RPTOR: variants seen among roughly 807,000 people sequenced by gnomAD.
RPTOR encodes regulatory-associated protein of mTOR.
RPTOR carries 21 observed loss-of-function variants against 169.9 expected under a neutral mutation model. That is an observed-to-expected ratio of 0.12 (90% CI 0.09 to 0.18). The LOEUF is 0.18. RPTOR is among the 10% of genes least tolerant of loss of function. RPTOR has a pLI of 1.00. For missense variants in RPTOR, 1,133 were observed against 1,855.9 expected (o/e 0.61, Z 7.16); for synonymous variants, 732 against 753.2 (o/e 0.97, Z 0.46).
chr17:80,681,087 G>A (rs184338871), intron 3 of RPTOR, among the ~76,000 whole-genome samples: 24 of 152,216 alleles, frequency 1.6e-4, no homozygotes, highest in Admixed American at 1.4e-3. Context: ...GGGGCCTGGC[G>A]CACTGGAGTC....
chr17:80,596,116 T>C lies in RPTOR; in HGVS notation c.163-29575T>C, dbSNP rs189135744. Among the ~76,000 whole-genome samples the C allele has an allele frequency of 2.4e-4, 36 of 152,350 alleles. No homozygotes were observed. The East Asian group carries it at 6.6e-3, about 28-fold the overall frequency. ...GGAAAACATGGTCCTCCAGAAGCAA[T>C]TAACTTGGCAGCTATTTTGTTTACA... On this transcript the variant is annotated intron_variant, in intron 1 of 33. Transcript: ENST00000306801.
At chr17:80,676,261 A>G (rs2065860798) in intron 3 of RPTOR, among the ~76,000 whole-genome samples, 1 of 152,252 alleles carries the variant, frequency 6.6e-6, no homozygotes, top group South Asian at 2.1e-4. Flanking sequence ...TGGTTAAGTA[A>G]AGATGAATGG....
intron 3 of RPTOR, among the ~76,000 whole-genome samples, chr17:80,675,579 G>T (rs897089115): frequency 1.3e-5 from 2 of 152,232 alleles, no homozygotes; most frequent in Non-Finnish European, 2.9e-5. Context: ...ATGCCAGCAC[G>T]GGCCTTGGGC....
chr17:80,884,755 G>A (rs2068225142), intron 16 of RPTOR, among the ~76,000 whole-genome samples: 1 of 152,176 alleles, frequency 6.6e-6, no homozygotes, highest in African/African-American at 2.4e-5. Context: ...CTGGTTTGGT[G>A]TTTCAGTTCC....
At position 80,820,640 on chromosome 17, in the gene RPTOR, C is replaced by T. The variant is rs142711566; in HGVS notation, c.891-1561C>T. Among the ~76,000 whole-genome samples, 491 of 151,308 alleles carry T rather than the reference C, an allele frequency of 3.2e-3. 1 individual carries two copies. The highest frequency in any genetic ancestry group is 5.6e-3 in the Admixed American group (86 of 15,228). Reference sequence around the variant, plus strand: ...TTTCCTCACTCCCCTGCTCGGAGGTCGGAGGGCAGGCAGCCTGGCCATTCC... The same window carrying T: ...TTTCCTCACTCCCCTGCTCGGAGGTTGGAGGGCAGGCAGCCTGGCCATTCC... On this transcript the variant is annotated intron_variant, in intron 7 of 33. Transcript: ENST00000306801. This position sits in a 1 kb window ranked among gnomAD's most constrained non-coding sequence, Gnocchi z 4.1.
chr17:80,964,419 G>A lies in RPTOR; in HGVS notation c.*89G>A, dbSNP rs567441059. On this transcript the variant is annotated 3_prime_UTR_variant, in exon 34 of 34. Transcript: ENST00000306801. ...GGGGCACGGGGCGTCGGCTGCTGCG[G>A]CCCCGCAGTGTGAACGTTGGCTGCT... The A allele has an allele frequency of 3.0e-6, 4 of 1,323,804 alleles. No homozygotes were observed. In the East Asian group the frequency reaches 6.9e-5, roughly 23 times the overall value. The allele number at this position is 1,323,804 out of a possible 1,614,324, so 82.0% of individuals were successfully genotyped here. A position where few individuals can be genotyped will look rare whatever the true frequency, so the allele number is the denominator to read the frequency against.
At position 80,940,677 on chromosome 17, in the gene RPTOR, C is replaced by A. The variant is rs566204968; in HGVS notation, c.3025+76C>A. On this transcript the variant is annotated intron_variant, in intron 25 of 33. Transcript: ENST00000306801. ...GGGGCGAGGGTCCCCTGTGAGCAGG[C>A]CCCCCGCGGCCCACGCACAACCTTC... 7,435 of 1,192,474 alleles carry A rather than the reference C, an allele frequency of 6.2e-3. 358 individuals carry two copies. In the African/African-American group the frequency reaches 0.1, roughly 16 times the overall value. The allele number at this position is 1,192,474 out of a possible 1,614,324, so 73.9% of individuals were successfully genotyped here.
At chr17:80,587,241 A>T (rs1403468610) in intron 1 of RPTOR, among the ~76,000 whole-genome samples, 1 of 152,212 alleles carries the variant, frequency 6.6e-6, no homozygotes, top group African/African-American at 2.4e-5. Context: ...CTGTTTGTGC[A>T]TCCCCGAAAT....
chr17:80,821,095 GAA>G (rs2067373951), intron 7 of RPTOR, among the ~76,000 whole-genome samples: 1 of 152,252 alleles, frequency 6.6e-6, no homozygotes, highest in Non-Finnish European at 1.5e-5. Context: ...GTAAAGGAAA[GAA>G]AGAGCATGTG....
chr17:80,936,746 T>C lies in RPTOR; in HGVS notation c.2920-3750T>C, dbSNP rs1030749629. On this transcript the variant is annotated intron_variant, in intron 24 of 33. Transcript: ENST00000306801. This position sits in a 1 kb window ranked among gnomAD's most constrained non-coding sequence, Gnocchi z 4.1. ...GTAAGTTACATCTTCATCAACCTCATGTTGCGGGGAGAAGAAACTCTTTTC... is the reference window on the plus strand; with the variant it reads ...GTAAGTTACATCTTCATCAACCTCACGTTGCGGGGAGAAGAAACTCTTTTC... 3.9e-5 allele frequency among the ~76,000 whole-genome samples: 6 copies of C among 152,240 alleles called. No homozygotes were observed. Among genetic ancestry groups the C allele is most frequent in the Non-Finnish European group, 5.9e-5 (4 of 68,040 alleles).
chr17:80,846,174 C>A (rs1445111231), intron 10 of RPTOR, among the ~76,000 whole-genome samples: 2 of 152,212 alleles, frequency 1.3e-5, no homozygotes, highest in Non-Finnish European at 2.9e-5. Flanking sequence ...CACCACATGT[C>A]CACAGCTGGT....
intron 1 of RPTOR, among the ~76,000 whole-genome samples, chr17:80,591,527 C>T (rs916254573): frequency 1.3e-5 from 2 of 151,342 alleles, no homozygotes; most frequent in East Asian, 2.0e-4. Flanking sequence ...TACAGGCGCA[C>T]ACCACAACAC....
intron 1 of RPTOR, among the ~76,000 whole-genome samples, chr17:80,574,515 G>C (rs922251623): frequency 1.2e-4 from 18 of 151,854 alleles, no homozygotes; most frequent in African/African-American, 4.3e-4. Flanking sequence ...ATTTTAAGAA[G>C]ACTTTGTCTA....
chr17:80,890,171 G>GCCCT (rs2068302580), intron 17 of RPTOR, among the ~76,000 whole-genome samples: 2 of 152,188 alleles, frequency 1.3e-5, no homozygotes, highest in Admixed American at 1.3e-4. Context: ...AATAACAGAC[G>GCCCT]TGGCCCCTGT....
intron 12 of RPTOR, among the ~76,000 whole-genome samples, chr17:80,856,490 A>G (rs2143748841): frequency 6.6e-6 from 1 of 152,118 alleles, no homozygotes; most frequent in East Asian, 1.9e-4. Context: ...GTTGACAAAG[A>G]GTGGTAATTG....
At position 80,880,502 on chromosome 17, in the gene RPTOR, C is replaced by A; in HGVS notation, c.1584+13C>A. 6.2e-7 allele frequency: 1 copy of A among 1,612,856 alleles called. No individual in the cohort carries two copies. The highest frequency in any genetic ancestry group is 1.1e-5 in the South Asian group (1 of 91,068). ...CCCCTACATGCCAGTAAGGACGGGG[C>A]AGCACGCTCTCCACGGGCTTGGGAC... On this transcript the variant is annotated intron_variant, in intron 14 of 33. Coordinates refer to ENST00000306801, the MANE Select transcript of RPTOR (RefSeq NM_020761.3).
At chr17:80,635,594 A>G (rs8079792) in intron 2 of RPTOR, among the ~76,000 whole-genome samples, 113,719 of 151,812 alleles carry the variant, frequency 0.75, 43,553 homozygotes, top group African/African-American at 0.89. Flanking sequence ...GTGGGAGAAG[A>G]GGGCTCATTG....
intron 9 of RPTOR, among the ~76,000 whole-genome samples, chr17:80,826,253 C>G (rs998276790): frequency 1.3e-5 from 2 of 152,208 alleles, no homozygotes; most frequent in African/African-American, 2.4e-5. Context: ...GCTGCTGTTA[C>G]CCCAGCCCCA....
At chr17:80,668,754 G>A (rs138362843) in intron 3 of RPTOR, among the ~76,000 whole-genome samples, 44 of 152,302 alleles carry the variant, frequency 2.9e-4, no homozygotes, top group African/African-American at 8.9e-4. Context: ...TCAGCAGAGC[G>A]GCTGCCCCAG....
Sources: allele counts gnomAD v4.1 joint callset (sites outside exome capture counted in the v4.1 genomes callset), GRCh38; gene constraint gnomAD v4.1.1; non-coding constraint Gnocchi (gnomAD v3.1); transcripts MANE v1.5; gene names NCBI Gene and HGNC (gene_info 2026-07-23, HGNC 2026-07-21).